Variants in DNAH10 observed in about 807,000 individuals in gnomAD.
The protein encoded by DNAH10 is axonemal beta dynein heavy chain 10.
In DNAH10, 348 loss-of-function variants were observed where a neutral mutation model predicts 506.6. That is an observed-to-expected ratio of 0.69 (90% CI 0.63 to 0.75). The LOEUF (loss-of-function observed/expected upper bound fraction) is 0.75. DNAH10 is among the 30% of genes least tolerant of loss of function. The probability of loss-of-function intolerance (pLI) is 0.00; values close to 1 mark genes in which losing one functional copy is unlikely to be tolerated. For missense variants in DNAH10, 5,179 were observed against 5,787.1 expected, an observed-to-expected ratio of 0.89 and a Z score of 3.41; for synonymous variants, 2,059 against 2,198.6, an observed-to-expected ratio of 0.94 and a Z score of 1.78.
intron 52 of DNAH10, among the ~76,000 whole-genome samples, chr12:123,892,630 C>T (rs1056178524): frequency 6.6e-6 from 1 of 152,232 alleles, no homozygotes; most frequent in African/African-American, 2.4e-5. Context: ...TGGCCTGCCA[C>T]GTTAACTCTT....
Position 123,813,437 on chromosome 12 carries a change from G to A in DNAH10, c.3418G>A (p.Asp1140Asn). Residue 1140 changes from aspartate to asparagine, a missense_variant, in exon 20 of 79, where the codon GAT (aspartate) becomes AAT (asparagine). Around this residue, in one of 3 missense-constraint regions of DNAH10, gnomAD observed 4,844 missense variants for 5,430.5 expected, o/e 0.89. Transcript: ENST00000673944. ...CAAGAAACCTCCTTGTGTAGCATAT[G>A]ATGAAAAGTTGCAGTTCTATTCCAA... ...AAKKPPCVAY[D>N]EKLQFYSKIA... The A allele has an allele frequency of 3.1e-6, 5 of 1,614,232 alleles. No homozygotes were observed. The highest frequency in any genetic ancestry group is 3.4e-6 in the Non-Finnish European group (4 of 1,180,032).
In DNAH10 at chr12:123,771,614, A is replaced by C. The variant is rs764325853; in HGVS notation, c.312A>C (p.Ser104=). ...SVDKVRAKRV[S]LRTESLGQPL... The stretch of plus-strand genomic sequence containing the variant: ...GCTGTTTTGCAGCTAAGCGTGTGTC[A>C]CTGAGAACCGAATCTCTAGGCCAAC... Residue 104 remains serine (S), a synonymous_variant, in exon 3 of 79, where the codon TCA becomes TCC. Transcript: ENST00000673944. The C allele has an allele frequency of 6.2e-7, 1 of 1,613,636 alleles. No homozygotes were observed. The highest frequency in any genetic ancestry group is 8.5e-7 in the Non-Finnish European group (1 of 1,179,766).
chr12:123,866,066 C>A lies in DNAH10; in HGVS notation c.7160C>A (p.Pro2387Gln). The A allele has an allele frequency of 2.5e-6, 4 of 1,602,468 alleles. No homozygotes were observed. Among genetic ancestry groups the A allele is most frequent in the South Asian group, 1.1e-5 (1 of 88,766 alleles). Residue 2387 changes from proline to glutamine, a missense_variant, in exon 41 of 79, where the codon CCA becomes CAA. Around this residue, in one of 3 missense-constraint regions of DNAH10, gnomAD observed 4,844 missense variants for 5,430.5 expected, o/e 0.89. Transcript: ENST00000673944. ...PYWKKWVNQI[P>Q]NKVEQYNLNS... The stretch of plus-strand genomic sequence containing the variant: ...TGGAAAAAATGGGTTAATCAAATAC[C>A]AAACAAGGTGAAATTTTTTTCTAAA...
chr12:123,805,787 T>TA (rs1402133504), intron 18 of DNAH10, among the ~76,000 whole-genome samples: 6 of 151,048 alleles, frequency 4.0e-5, no homozygotes, highest in African/African-American at 1.5e-4. Flanking sequence ...TTTTTTTTTT[T>TA]TTTGTTTGAG....
rs562971416 is a variant in DNAH10 at position 123,879,681 on chromosome 12, C to T, written c.8514C>T (p.Asp2838=). 9.3e-6 allele frequency: 15 copies of T among 1,613,812 alleles called. No homozygotes were observed. Among genetic ancestry groups the T allele is most frequent in the South Asian group, 5.5e-5 (5 of 91,082 alleles). Residue 2838 remains aspartate, a synonymous_variant, in exon 50 of 79, where the codon GAC becomes GAT. Coordinates refer to ENST00000673944, the MANE Select transcript of DNAH10 (RefSeq NM_001372106.1). ...TGGTTGTGGAACATTTTAAAGATGACGTGGAGGTGGTGATGAGGGATCCCA... is the reference window on the plus strand; with the variant it reads ...TGGTTGTGGAACATTTTAAAGATGATGTGGAGGTGGTGATGAGGGATCCCA... ...GSLVVEHFKD[D]VEVVMRDPIL... is the part of the protein sequence containing the mutation.
In DNAH10 at chr12:123,803,831, T is replaced by C; in HGVS notation, c.2779+6T>C. 1 of 1,609,056 alleles carries C rather than the reference T, an allele frequency of 6.2e-7. No homozygotes were observed. The highest frequency in any genetic ancestry group is 8.5e-7 in the Non-Finnish European group (1 of 1,178,886). On this transcript the variant is annotated splice_donor_region_variant and intron_variant, in intron 17 of 78. Coordinates refer to ENST00000673944, the MANE Select transcript of DNAH10 (RefSeq NM_001372106.1). Reference sequence around the variant, plus strand: ...AAGTGAGGAAGAACTCCCAGGTAGATCTGACTTCTGGGTTCTCCAGTTATG... The same window carrying C: ...AAGTGAGGAAGAACTCCCAGGTAGACCTGACTTCTGGGTTCTCCAGTTATG...
chr12:123,774,656 A>C lies in DNAH10; in HGVS notation c.621+392A>C, dbSNP rs1276781156. Among the ~76,000 whole-genome samples, 7 of 152,288 alleles carry C rather than the reference A, an allele frequency of 4.6e-5. No homozygotes were observed. In the South Asian group the frequency reaches 1.4e-3, roughly 31 times the overall value. ...AGAAATAGGTGGGCTAGTTAACTGC[A>C]GCAGGAGCATGTCCTTAAGGCATAA... On this transcript the variant is annotated intron_variant, in intron 5 of 78. Coordinates refer to ENST00000673944, the MANE Select transcript of DNAH10 (RefSeq NM_001372106.1).
At chr12:123,934,593 G>T (rs2137785113) in intron 77 of DNAH10, 28 bp from the exon 78 acceptor site, 1 of 1,611,776 alleles carries the variant, frequency 6.2e-7, no homozygotes, top group African/African-American at 1.3e-5. Flanking sequence ...TGCTCCAGTT[G>T]TATCCAGTCT....
Position 123,928,932 on chromosome 12 carries a change from AATTTATTCTCCGGG to A in DNAH10, c.12307-341_12307-328del. 6.5e-6 allele frequency: 3 copies of A among 458,856 alleles called. No individual in the cohort carries two copies. Among genetic ancestry groups the A allele is most frequent in the Non-Finnish European group, 1.2e-5 (3 of 259,350 alleles). The allele number at this position is 458,856 out of a possible 1,614,324, so 28.4% of individuals were successfully genotyped here. A position where few individuals can be genotyped will look rare whatever the true frequency, so the allele number is the denominator to read the frequency against. On this transcript the variant is annotated intron_variant, in intron 70 of 78. Coordinates refer to ENST00000673944, the MANE Select transcript of DNAH10 (RefSeq NM_001372106.1). The surrounding 1 kb of genome is among the most constrained non-coding windows in gnomAD (Gnocchi z 4.9). ...TTCGCGTGGTTTACATGCCCCATTT[AATTTATTCTCCGGG>A]AAATTCTTTTGGAAAGGTTTTGTCA... is the stretch of plus-strand genomic sequence containing the variant.
chr12:123,825,892 A>G (rs1959932802), intron 24 of DNAH10, among the ~76,000 whole-genome samples: 1 of 152,180 alleles, frequency 6.6e-6, no homozygotes, highest in Non-Finnish European at 1.5e-5. Flanking sequence ...AGGCTAAGGC[A>G]GGAGGATTGC....
At chr12:123,774,397 C>G in intron 5 of DNAH10, 133 bp downstream of exon 5, 1 of 623,052 alleles carries the variant, frequency 1.6e-6, no homozygotes, top group Non-Finnish European at 2.7e-6. Context: ...CTGAGACCAG[C>G]TCGGTTGGGG....
At chr12:123,861,944 G>A (rs1188582355) in intron 39 of DNAH10, among the ~76,000 whole-genome samples, 1 of 152,186 alleles carries the variant, frequency 6.6e-6, no homozygotes, top group Non-Finnish European at 1.5e-5. Context: ...ATTTTGAGCA[G>A]TTCGTCAGGA....
intron 62 of DNAH10, among the ~76,000 whole-genome samples, 178 bp downstream of exon 62, chr12:123,915,177 C>T (rs1470015847): frequency 6.6e-6 from 1 of 151,980 alleles, no homozygotes; most frequent in African/African-American, 2.4e-5. Context: ...CCCCGTGGGT[C>T]TGCCAGGGCA....
Position 123,865,950 on chromosome 12 carries a change from G to C in DNAH10, c.7045-1G>C. ...ATGATTGATTTTCTTTATTTATCCA[G>C]GTTGGAGATTTACAGTATGCCTCCC... is the stretch of plus-strand genomic sequence containing the variant. On this transcript the variant is annotated splice_acceptor_variant, in intron 40 of 78. Transcript: ENST00000673944. LOFTEE classifies it high-confidence loss of function. The C allele has an allele frequency of 6.2e-7, 1 of 1,601,900 alleles. No homozygotes were observed. Among genetic ancestry groups the C allele is most frequent in the South Asian group, 1.1e-5 (1 of 88,574 alleles).
chr12:123,840,394 G>GT (rs71088961), intron 29 of DNAH10, among the ~76,000 whole-genome samples: 561 of 37,790 alleles, frequency 0.015, 92 homozygotes, highest in Non-Finnish European at 0.02. Context: ...TCTGTTTCCA[G>GT]TTTTTTTTTT....
In DNAH10 at chr12:123,933,508, C is replaced by T; in HGVS notation, c.13474C>T (p.Gln4492Ter). 6.3e-7 allele frequency: 1 copy of T among 1,598,272 alleles called. No homozygotes were observed. Among genetic ancestry groups the T allele is most frequent in the South Asian group, 1.1e-5 (1 of 89,364 alleles). ...AGATGAAGTGAATGAGCGGGCGGGA[C>T]AAGGTACCGTCAGCTCGTTAGGGAT... ...DADEVNERAG[Q>*]GCFVSGLYLE... The change falls in exon 77 of 79, where the codon CAA (glutamine) becomes TAA (stop). Residue 4492 changes from glutamine to a stop codon, truncating the protein, a stop_gained. Transcript: ENST00000673944. LOFTEE classifies it high-confidence loss of function.
intron 26 of DNAH10, 128 bp from the exon 27 acceptor site, chr12:123,832,986 T>C (rs1027939929): frequency 4.1e-5 from 28 of 681,002 alleles, no homozygotes; most frequent in Admixed American, 1.1e-4. Context: ...ATCCCAACTT[T>C]TCAGGAAACA....
chr12:123,837,042 G>A (rs992352716), intron 28 of DNAH10, among the ~76,000 whole-genome samples: 2 of 151,384 alleles, frequency 1.3e-5, no homozygotes, highest in Non-Finnish European at 2.9e-5. Context: ...TAGTAGAGAC[G>A]GGGTTTCACC....
At chr12:123,899,936 A>G (rs1409881928) in intron 56 of DNAH10, among the ~76,000 whole-genome samples, 2 of 152,222 alleles carry the variant, frequency 1.3e-5, no homozygotes, top group Admixed American at 1.3e-4. Flanking sequence ...TTTGTGGCAT[A>G]TCCCTGCTGC....
Sources: allele counts gnomAD v4.1 joint callset (sites outside exome capture counted in the v4.1 genomes callset), GRCh38; gene constraint gnomAD v4.1.1; regional missense constraint gnomAD v4.1.1; non-coding constraint Gnocchi (gnomAD v3.1); transcripts MANE v1.5; gene names NCBI Gene and HGNC (gene_info 2026-07-23, HGNC 2026-07-21).